Variants in SYT16 observed in about 807,000 individuals in gnomAD.
The protein encoded by SYT16 is synaptotagmin 16, also known as synaptotagmin-16.
Under a neutral mutation model 61.4 loss-of-function variants are expected in SYT16, and 42 were observed. The observed-to-expected ratio is 0.68, with a 90% CI of 0.53 to 0.89. SYT16 has a LOEUF of 0.89. SYT16 is among the 40% of genes least tolerant of loss of function. The pLI, the probability that SYT16 is intolerant of heterozygous loss-of-function variation, is 0.00. For missense variants in SYT16, 804 were observed against 807.3 expected, an observed-to-expected ratio of 1.00 and a Z score of 0.05; for synonymous variants, 314 against 302.3, an observed-to-expected ratio of 1.04 and a Z score of -0.40.
At chr14:62,095,034 C>T (rs1363801015) in intron 7 of SYT16, among the ~76,000 whole-genome samples, 1 of 151,982 alleles carries the variant, frequency 6.6e-6, no homozygotes, top group Non-Finnish European at 1.5e-5. Context: ...TTTAGTGGAA[C>T]CTTACTGATA....
chr14:62,077,544 G>T (rs937668989), intron 5 of SYT16: 2 of 152,242 alleles, frequency 1.3e-5, no homozygotes, highest in Non-Finnish European at 2.9e-5. Context: ...TGATTAATTG[G>T]TTGGCCTTGA....
intron 3 of SYT16, among the ~76,000 whole-genome samples, chr14:62,039,693 A>G (rs949450073): frequency 6.6e-6 from 1 of 152,112 alleles, no homozygotes; most frequent in African/African-American, 2.4e-5. Context: ...TTTGGCCAAG[A>G]TTTCATAATT....
At chr14:61,867,569 A>G (rs1238692047) in intron 1 of SYT16, among the ~76,000 whole-genome samples, 1 of 152,130 alleles carries the variant, frequency 6.6e-6, no homozygotes, top group Non-Finnish European at 1.5e-5. Context: ...GGGAAAATAT[A>G]CAAAAATTGT....
At chr14:62,091,393 G>A (rs577237749) in intron 7 of SYT16, among the ~76,000 whole-genome samples, 1 of 152,260 alleles carries the variant, frequency 6.6e-6, no homozygotes, top group East Asian at 1.9e-4. Context: ...CAAGAAGGAA[G>A]AATGAACAAA....
chr14:62,059,273 T>C (rs1168666073), intron 3 of SYT16, among the ~76,000 whole-genome samples: 2 of 152,198 alleles, frequency 1.3e-5, no homozygotes, highest in Admixed American at 1.3e-4. Flanking sequence ...TATCGGTATC[T>C]CATGTGATTT....
chr14:61,836,402 G>T (rs372896811), intron 1 of SYT16, among the ~76,000 whole-genome samples: 3 of 152,228 alleles, frequency 2.0e-5, no homozygotes, highest in African/African-American at 7.2e-5. Flanking sequence ...CACTTGAAAG[G>T]CATTTGAATA....
At chr14:61,881,632 A>G (rs775086247) in intron 1 of SYT16, among the ~76,000 whole-genome samples, 6 of 152,230 alleles carry the variant, frequency 3.9e-5, no homozygotes, top group African/African-American at 1.2e-4. Flanking sequence ...CACAATGGCT[A>G]TGGTGATGTA....
chr14:62,043,984 C>T (rs767896165), intron 3 of SYT16, among the ~76,000 whole-genome samples: 183 of 152,158 alleles, frequency 1.2e-3, no homozygotes, highest in Non-Finnish European at 1.9e-3. Context: ...ATGCTATAGG[C>T]TCTTATTCTT....
chr14:61,930,596 C>T (rs1008349324), intron 1 of SYT16, among the ~76,000 whole-genome samples: 1 of 151,984 alleles, frequency 6.6e-6, no homozygotes, highest in Non-Finnish European at 1.5e-5. Context: ...CCCCACATCC[C>T]CTCAAGATGT....
intron 3 of SYT16, among the ~76,000 whole-genome samples, chr14:62,060,070 C>T (rs566783089): frequency 6.6e-6 from 1 of 152,148 alleles, no homozygotes; most frequent in Admixed American, 6.5e-5. Flanking sequence ...CTACTTTGCT[C>T]TTCTTAAAAA....
chr14:61,921,612 T>C (rs1186016222), intron 1 of SYT16, among the ~76,000 whole-genome samples: 3 of 152,244 alleles, frequency 2.0e-5, no homozygotes, highest in Non-Finnish European at 4.4e-5. Context: ...GGTTGTGAGC[T>C]TCTGCTCTGA....
At chr14:61,864,929 C>A in intron 1 of SYT16, 4 of 1,291,678 alleles carry the variant, frequency 3.1e-6, no homozygotes, top group South Asian at 1.2e-5. Flanking sequence ...AACCGGGGTC[C>A]TGGGCTGCCT....
intron 1 of SYT16, among the ~76,000 whole-genome samples, chr14:61,813,499 G>T (rs540717468): frequency 6.6e-6 from 1 of 152,232 alleles, no homozygotes; most frequent in Non-Finnish European, 1.5e-5. Context: ...AGCCAGATAC[G>T]TATTAGTGAA....
chr14:61,918,735 G>A (rs1176397495), intron 1 of SYT16, among the ~76,000 whole-genome samples: 1 of 152,034 alleles, frequency 6.6e-6, no homozygotes, highest in Non-Finnish European at 1.5e-5. Context: ...GGGGGGTGGG[G>A]TGATGAATCA....
At chr14:62,005,290 A>G (rs994659678) in intron 3 of SYT16, among the ~76,000 whole-genome samples, 2 of 152,072 alleles carry the variant, frequency 1.3e-5, no homozygotes, top group African/African-American at 2.4e-5. Context: ...GCAAGCCTTT[A>G]TTGAGACTTT....
chr14:62,040,865 C>A (rs867494055), intron 3 of SYT16, among the ~76,000 whole-genome samples: 1 of 152,090 alleles, frequency 6.6e-6, no homozygotes, highest in Admixed American at 6.6e-5. Context: ...ACGTTTGTTA[C>A]AATTGATGAA....
upstream of SYT16, chr14:61,812,698 C>T (rs569998446): frequency 1.4e-4 from 20 of 147,280 alleles, no homozygotes; most frequent in Non-Finnish European, 2.7e-4. Flanking sequence ...CGCGGCGCGG[C>T]CCCCGAGCGC....
At chr14:61,832,171 TCTC>T in intron 1 of SYT16, 7 of 679,432 alleles carry the variant, frequency 1.0e-5, no homozygotes, top group Admixed American at 3.7e-5. Flanking sequence ...CAGGAGGCCT[TCTC>T]CTTCTTCTTC....
chr14:61,968,221 A>G (rs918077027), intron 1 of SYT16, among the ~76,000 whole-genome samples: 6 of 152,172 alleles, frequency 3.9e-5, no homozygotes, highest in Non-Finnish European at 8.8e-5. Context: ...GGATCGCGCC[A>G]CTGCATTGTA....
Sources: allele counts gnomAD v4.1 joint callset (sites outside exome capture counted in the v4.1 genomes callset), GRCh38; gene constraint gnomAD v4.1.1; transcripts MANE v1.5; gene names NCBI Gene and HGNC (gene_info 2026-07-23, HGNC 2026-07-21).